Variants in GRAMD1C observed in about 807,000 individuals in gnomAD.
GRAMD1C encodes the protein GRAM domain containing 1C.
GRAMD1C carries 89 observed loss-of-function variants against 97.8 expected under a neutral mutation model. That is an observed-to-expected ratio of 0.91 (90% CI 0.77 to 1.09). The LOEUF (loss-of-function observed/expected upper bound fraction) is 1.09. GRAMD1C is among the 50% of genes least tolerant of loss of function. The pLI is 0.00. For missense variants in GRAMD1C, 740 were observed against 766.4 expected (o/e 0.97, Z 0.41); for synonymous variants, 256 against 267.0 (o/e 0.96, Z 0.40).
intron 6 of GRAMD1C, among the ~76,000 whole-genome samples, chr3:113,887,099 T>TTG (rs1553720029): frequency 9.3e-5 from 13 of 139,570 alleles, no homozygotes; most frequent in African/African-American, 3.2e-4. Context: ...TTTTTTTGTT[T>TTG]TTTTTTTTTT....
chr3:113,843,303 C>T (rs984131234), intron 1 of GRAMD1C, among the ~76,000 whole-genome samples: 1 of 151,824 alleles, frequency 6.6e-6, no homozygotes, highest in African/African-American at 2.4e-5. Flanking sequence ...TCTCAAACTC[C>T]TGGGCTCAAG....
At chr3:113,836,379 A>T (rs1292933727), upstream of GRAMD1C, among the ~76,000 whole-genome samples, 1 of 152,234 alleles carries the variant, frequency 6.6e-6, no homozygotes, top group Non-Finnish European at 1.5e-5. Context: ...TTTTAAATAT[A>T]TGTAAACAGT....
chr3:113,868,308 G>T (rs761189282), intron 2 of GRAMD1C, among the ~76,000 whole-genome samples: 1 of 151,772 alleles, frequency 6.6e-6, no homozygotes, highest in Non-Finnish European at 1.5e-5. Flanking sequence ...TCTGTTTTTT[G>T]TTCTGTTTTT....
chr3:113,871,943 A>G (rs958124848), intron 3 of GRAMD1C, among the ~76,000 whole-genome samples: 1 of 152,132 alleles, frequency 6.6e-6, no homozygotes, highest in African/African-American at 2.4e-5. Context: ...TTTGTCTCAA[A>G]CAAAAACAAA....
intron 2 of GRAMD1C, among the ~76,000 whole-genome samples, chr3:113,861,204 A>G (rs1577135821): frequency 6.6e-6 from 1 of 152,198 alleles, no homozygotes; most frequent in Non-Finnish European, 1.5e-5. Context: ...AATTTATCAT[A>G]GACTTACATG....
At chr3:113,925,020 T>C (rs1212541622) in intron 10 of GRAMD1C, among the ~76,000 whole-genome samples, 1 of 152,238 alleles carries the variant, frequency 6.6e-6, no homozygotes, top group Admixed American at 6.5e-5. Context: ...TACCTTTATG[T>C]AATGCCCTTA....
chr3:113,923,887 G>C (rs950304075), intron 10 of GRAMD1C, among the ~76,000 whole-genome samples: 2 of 152,046 alleles, frequency 1.3e-5, no homozygotes, highest in Non-Finnish European at 2.9e-5. Flanking sequence ...GGTAGAATTT[G>C]GCTGTGAATC....
intron 4 of GRAMD1C, 83 bp downstream of exon 4, chr3:113,875,670 G>T (rs1934998328): frequency 4.3e-6 from 3 of 696,162 alleles, no homozygotes; most frequent in East Asian, 2.5e-5. Context: ...TACTTTAGAT[G>T]ATTCCAAAGT....
intron 5 of GRAMD1C, among the ~76,000 whole-genome samples, chr3:113,878,555 C>A (rs1160780778): frequency 3.3e-5 from 5 of 152,124 alleles, no homozygotes; most frequent in African/African-American, 1.2e-4. Flanking sequence ...TATATACACT[C>A]ACTTATACAT....
In GRAMD1C at chr3:113,907,311, T is replaced by G. The variant is rs574511807; in HGVS notation, c.790-1647T>G. ...AAGGCCAGCATGTTATCAACTTGTTTTTACCAGTCATGCATCTACCTTAGC... is the reference window on the plus strand; with the variant it reads ...AAGGCCAGCATGTTATCAACTTGTTGTTACCAGTCATGCATCTACCTTAGC... On this transcript the variant is annotated intron_variant, in intron 8 of 17. Coordinates refer to ENST00000358160, the MANE Select transcript of GRAMD1C (RefSeq NM_017577.5). Among the ~76,000 whole-genome samples the G allele has an allele frequency of 1.7e-3, 263 of 152,354 alleles. 2 individuals are homozygous for G. Among genetic ancestry groups the G allele is most frequent in the Non-Finnish European group, 3.3e-3 (224 of 68,024 alleles).
chr3:113,849,822 G>A (rs532527030), intron 2 of GRAMD1C, among the ~76,000 whole-genome samples: 3 of 152,086 alleles, frequency 2.0e-5, no homozygotes, highest in Non-Finnish European at 2.9e-5. Flanking sequence ...CCTCCCAGAC[G>A]GGGTGGTGGC....
intron 11 of GRAMD1C, among the ~76,000 whole-genome samples, chr3:113,932,318 AG>A (rs1250155057): frequency 6.6e-6 from 1 of 152,250 alleles, no homozygotes; most frequent in Non-Finnish European, 1.5e-5. Context: ...ACGTAAGAAA[AG>A]TCTGGTATTT....
At chr3:113,850,610 G>T in intron 2 of GRAMD1C, 2 of 1,607,598 alleles carry the variant, frequency 1.2e-6, no homozygotes, top group Non-Finnish European at 1.7e-6. Flanking sequence ...CATGAAGGTT[G>T]GGCACATTCT....
chr3:113,894,786 A>G (rs1935868810), intron 6 of GRAMD1C, among the ~76,000 whole-genome samples: 1 of 152,186 alleles, frequency 6.6e-6, no homozygotes, highest in Non-Finnish European at 1.5e-5. Flanking sequence ...CCCAAATGGC[A>G]GAAGAAGATA....
intron 3 of GRAMD1C, among the ~76,000 whole-genome samples, chr3:113,872,382 CT>C (rs1160149311): frequency 2.9e-5 from 3 of 103,632 alleles, no homozygotes; most frequent in African/African-American, 1.1e-4. Context: ...CCACTTCATT[CT>C]TTTTTTTCTT....
chr3:113,835,450 T>C (rs1177047971), upstream of GRAMD1C, among the ~76,000 whole-genome samples: 1 of 152,154 alleles, frequency 6.6e-6, no homozygotes, highest in Non-Finnish European at 1.5e-5. Context: ...GCAATGAGGG[T>C]GAAAAAATAC....
chr3:113,857,167 A>C (rs554906206), intron 2 of GRAMD1C, among the ~76,000 whole-genome samples: 8 of 122,084 alleles, frequency 6.6e-5, no homozygotes, highest in East Asian at 2.2e-4. Context: ...CTTAAAAAAA[A>C]CAAACAAACA....
chr3:113,848,849 A>C (rs938280739), intron 2 of GRAMD1C, among the ~76,000 whole-genome samples: 2 of 152,218 alleles, frequency 1.3e-5, no homozygotes, highest in African/African-American at 4.8e-5. Context: ...TATGTGAGAA[A>C]TGAGTTTTAT....
chr3:113,933,797 G>T lies in GRAMD1C; in HGVS notation c.1352+144G>T, dbSNP rs975503728. The T allele has an allele frequency of 6.7e-6, 4 of 594,970 alleles. No homozygotes were observed. In the South Asian group the frequency reaches 1.1e-4, roughly 16 times the overall value. 36.9% of individuals were successfully genotyped at this position (594,970 alleles called of 1,614,324 possible). On this transcript the variant is annotated intron_variant, in intron 12 of 17. Coordinates refer to ENST00000358160, the MANE Select transcript of GRAMD1C (RefSeq NM_017577.5). The stretch of plus-strand genomic sequence containing the variant: ...TCCAACAGGGGTGAGCAGAGGAGTG[G>T]GGCTTCTCACCTAAGGCCCCCGCTT...
Sources: allele counts gnomAD v4.1 joint callset (sites outside exome capture counted in the v4.1 genomes callset), GRCh38; gene constraint gnomAD v4.1.1; transcripts MANE v1.5; gene names NCBI Gene and HGNC (gene_info 2026-07-23, HGNC 2026-07-21).